LRRC7: variants seen among roughly 807,000 people sequenced by gnomAD.
LRRC7 encodes the protein leucine rich repeat containing 7.
Under a neutral mutation model 175.7 loss-of-function variants are expected in LRRC7, and 23 were observed. That is an observed-to-expected ratio of 0.13 (90% CI 0.09 to 0.19). The LOEUF is 0.19. Among genes scored for constraint, LRRC7 ranks in the 10% least tolerant of loss-of-function variants. The pLI is 1.00. For missense variants in LRRC7, 1,354 were observed against 1,904.7 expected, an observed-to-expected ratio of 0.71 and a Z score of 5.38; for synonymous variants, 685 against 680.9, an observed-to-expected ratio of 1.01 and a Z score of -0.09.
chr1:69,572,969 G>A (rs1171400738), intron 1 of LRRC7, among the ~76,000 whole-genome samples: 1 of 152,022 alleles, frequency 6.6e-6, no homozygotes, highest in Non-Finnish European at 1.5e-5. Flanking sequence ...AATCAAATAT[G>A]TCTATTTCCT....
chr1:69,994,368 A>G (rs1482600238), intron 10 of LRRC7, among the ~76,000 whole-genome samples, 193 bp from the exon 11 acceptor site: 2 of 152,140 alleles, frequency 1.3e-5, no homozygotes, highest in African/African-American at 4.8e-5. Context: ...TCATTGATGT[A>G]TGCAACTTTT....
intron 1 of LRRC7, among the ~76,000 whole-genome samples, chr1:69,635,174 A>C (rs2100398738): frequency 6.6e-6 from 1 of 152,082 alleles, no homozygotes; most frequent in Admixed American, 6.6e-5. Flanking sequence ...GAGAACATGC[A>C]GTGTTTGGTT....
At chr1:70,078,810 G>GCGCACACA in intron 24 of LRRC7, among the ~76,000 whole-genome samples, 1 of 141,292 alleles carries the variant, frequency 7.1e-6, no homozygotes, top group African/African-American at 2.7e-5. Context: ...GCGCGCGCGC[G>GCGCACACA]CACACACACA....
At chr1:69,707,871 T>A (rs1256338764) in intron 2 of LRRC7, among the ~76,000 whole-genome samples, 2 of 152,342 alleles carry the variant, frequency 1.3e-5, no homozygotes, top group East Asian at 3.9e-4. Flanking sequence ...TTTGTTATAA[T>A]GGTCAGTTTA....
intron 25 of LRRC7, 80 bp downstream of exon 25, chr1:70,089,899 A>G (rs1663895560): frequency 9.1e-7 from 1 of 1,096,324 alleles, no homozygotes. Context: ...AAAAAAATTC[A>G]AGTGTTTTTG....
intron 14 of LRRC7, among the ~76,000 whole-genome samples, chr1:70,017,418 TAAC>T (rs1657061445): frequency 6.6e-6 from 1 of 152,124 alleles, no homozygotes; most frequent in Admixed American, 6.6e-5. Flanking sequence ...AACTGGAAAA[TAAC>T]AAGAAACCAT....
rs1486133427 is a variant in LRRC7, at chr1:70,028,211, A to C, written c.1835A>C (p.Glu612Ala). The change falls in exon 18 of 27, where the codon GAG becomes GCG. Residue 612 changes from glutamate (E) to alanine (A), a missense_variant. By Grantham distance (107) the Glu-to-Ala change is moderately radical. This residue lies in a region of LRRC7 where 1,032 missense variants were observed against 1,227.2 expected (regional missense o/e 0.84). Coordinates refer to ENST00000651989, the MANE Select transcript of LRRC7 (RefSeq NM_001370785.2). ...NLKRYPTPYP[E>A]DLKNMVKSVQ... ...AAACGATATCCAACTCCTTACCCAGAGGATTTAAAGAATATGGTAAAATCT... is the reference window on the plus strand; with the variant it reads ...AAACGATATCCAACTCCTTACCCAGCGGATTTAAAGAATATGGTAAAATCT... 6.2e-7 allele frequency: 1 copy of C among 1,613,766 alleles called. No individual in the cohort carries two copies. Among genetic ancestry groups the C allele is most frequent in the Admixed American group, 1.7e-5 (1 of 59,998 alleles).
intron 11 of LRRC7, among the ~76,000 whole-genome samples, chr1:70,007,740 CA>C (rs1401321123): frequency 5.9e-5 from 9 of 152,256 alleles, no homozygotes; most frequent in Admixed American, 4.6e-4. Flanking sequence ...CTTTCAGTGT[CA>C]TGAGATATCT....
chr1:69,914,311 G>A (rs969731487), intron 7 of LRRC7, among the ~76,000 whole-genome samples: 1 of 152,128 alleles, frequency 6.6e-6, no homozygotes, highest in African/African-American at 2.4e-5. Flanking sequence ...TAAAACCTCT[G>A]AATCTAATAG....
At chr1:69,697,293 C>G (rs1487460299) in intron 2 of LRRC7, among the ~76,000 whole-genome samples, 1 of 152,154 alleles carries the variant, frequency 6.6e-6, no homozygotes, top group African/African-American at 2.4e-5. Flanking sequence ...TCTTAAAATC[C>G]AGGTGCTCCA....
At chr1:69,965,951 T>C (rs1651625018) in intron 8 of LRRC7, among the ~76,000 whole-genome samples, 1 of 152,210 alleles carries the variant, frequency 6.6e-6, no homozygotes, top group Non-Finnish European at 1.5e-5. Context: ...ACCAAGTGTA[T>C]TGTTAAATAA....
chr1:70,021,194 T>C (rs1271587642), intron 16 of LRRC7, 65 bp downstream of exon 16: 1 of 1,519,868 alleles, frequency 6.6e-7, no homozygotes, highest in Non-Finnish European at 9.0e-7. Flanking sequence ...GTTTTTCTTA[T>C]TCAGATAGAT....
chr1:69,661,606 A>G (rs2100533634), intron 1 of LRRC7, among the ~76,000 whole-genome samples: 1 of 152,298 alleles, frequency 6.6e-6, no homozygotes, highest in South Asian at 2.1e-4. Flanking sequence ...GTCAATACTC[A>G]AAAAGCCCCA....
chr1:69,884,436 G>A (rs1470943620), intron 7 of LRRC7, among the ~76,000 whole-genome samples: 3 of 113,328 alleles, frequency 2.6e-5, no homozygotes, highest in Non-Finnish European at 5.4e-5. Context: ...TGGTGTATAA[G>A]AATGCTTGTG....
At chr1:69,950,629 G>A (rs1367610727) in intron 8 of LRRC7, among the ~76,000 whole-genome samples, 4 of 152,048 alleles carry the variant, frequency 2.6e-5, no homozygotes, top group Non-Finnish European at 2.9e-5. Flanking sequence ...CATTTTTATT[G>A]TAAACTAAGT....
chr1:69,907,457 GT>G (rs1290807866), intron 7 of LRRC7, among the ~76,000 whole-genome samples: 5 of 152,078 alleles, frequency 3.3e-5, no homozygotes, highest in Admixed American at 3.3e-4. Context: ...TTTATTGAGA[GT>G]TTTTAGCATG....
chr1:69,967,556 G>A (rs182370083), intron 8 of LRRC7, among the ~76,000 whole-genome samples: 12 of 152,092 alleles, frequency 7.9e-5, no homozygotes, highest in East Asian at 1.9e-4. Flanking sequence ...TCCATTTCAC[G>A]CCCCCTGCCA....
At chr1:69,781,166 A>T (rs1673437981) in intron 3 of LRRC7, among the ~76,000 whole-genome samples, 1 of 152,152 alleles carries the variant, frequency 6.6e-6, no homozygotes, top group Non-Finnish European at 1.5e-5. Context: ...GCTATAACAT[A>T]TACTCGTATT....
At chr1:69,949,465 G>T (rs1479669940) in intron 8 of LRRC7, among the ~76,000 whole-genome samples, 2 of 152,092 alleles carry the variant, frequency 1.3e-5, no homozygotes, top group Non-Finnish European at 2.9e-5. Context: ...ACTGAGGTGG[G>T]AGGATCACTT....
Sources: allele counts gnomAD v4.1 joint callset (sites outside exome capture counted in the v4.1 genomes callset), GRCh38; gene constraint gnomAD v4.1.1; regional missense constraint gnomAD v4.1.1; transcripts MANE v1.5; gene names NCBI Gene and HGNC (gene_info 2026-07-23, HGNC 2026-07-21).